Variants in LRP1B observed in about 807,000 individuals in gnomAD.
LRP1B encodes LDL receptor related protein 1B, also known as low-density lipoprotein receptor-related protein 1B.
Under a neutral mutation model 556.6 loss-of-function variants are expected in LRP1B, and 217 were observed. The ratio of observed to expected loss-of-function variants is 0.39; its 90% CI spans 0.35 to 0.44. LRP1B has a LOEUF of 0.44. Ranked by LOEUF, LRP1B falls within the 20% of genes least tolerant of loss-of-function variation. The pLI is 1.00. For synonymous variants in LRP1B, 2,047 were observed against 1,865.8 expected (o/e 1.10, Z -2.50); for missense variants, 5,053 against 5,620.8 (o/e 0.90, Z 3.23).
At chr2:140,552,095 T>TCAAAAA (rs1680566702) in intron 43 of LRP1B, among the ~76,000 whole-genome samples, 1 of 152,152 alleles carries the variant, frequency 6.6e-6, no homozygotes, top group Admixed American at 6.6e-5. Flanking sequence ...TGACAGGGAC[T>TCAAAAA]AGAGAAACTC....
At chr2:140,616,546 C>T (rs1356229641) in intron 41 of LRP1B, among the ~76,000 whole-genome samples, 1 of 148,334 alleles carries the variant, frequency 6.7e-6, no homozygotes, top group Non-Finnish European at 1.5e-5. Flanking sequence ...ATGATAAAGT[C>T]ATTCCAGGAG....
At chr2:140,550,730 T>C (rs1680517889) in intron 43 of LRP1B, among the ~76,000 whole-genome samples, 1 of 152,162 alleles carries the variant, frequency 6.6e-6, no homozygotes, top group Admixed American at 6.6e-5. Context: ...TTAAATATAG[T>C]ATTTCTCGTT....
chr2:140,716,925 A>G, intron 35 of LRP1B, 109 bp from the exon 36 acceptor site: 1 of 499,662 alleles, frequency 2.0e-6, no homozygotes, highest in Non-Finnish European at 3.4e-6. Context: ...CATCCTGGGT[A>G]TGCTAGATTT....
At chr2:140,850,072 T>A (rs771142427) in intron 29 of LRP1B, 30 bp downstream of exon 29, 10 of 1,371,878 alleles carry the variant, frequency 7.3e-6, no homozygotes, top group Non-Finnish European at 1.0e-5. Flanking sequence ...ACAAACACTT[T>A]TAAAGTTGTA....
At chr2:141,390,653 T>G (rs1363945646) in intron 3 of LRP1B, among the ~76,000 whole-genome samples, 2 of 152,158 alleles carry the variant, frequency 1.3e-5, no homozygotes, top group Non-Finnish European at 2.9e-5. Context: ...CTCAAAAACA[T>G]TATGCTAAGT....
chr2:141,058,084 A>C (rs1402657544), intron 9 of LRP1B, among the ~76,000 whole-genome samples: 1 of 151,914 alleles, frequency 6.6e-6, no homozygotes, highest in Non-Finnish European at 1.5e-5. Context: ...CACAGTATAC[A>C]TAGAATAGTT....
At chr2:141,022,099 A>G (rs1456630446) in intron 11 of LRP1B, among the ~76,000 whole-genome samples, 2 of 151,756 alleles carry the variant, frequency 1.3e-5, no homozygotes, top group African/African-American at 4.8e-5. Flanking sequence ...AATAGTATAT[A>G]AATAAATATA....
intron 7 of LRP1B, among the ~76,000 whole-genome samples, chr2:141,094,363 T>C (rs1700243345): frequency 6.6e-6 from 1 of 152,202 alleles, no homozygotes; most frequent in African/African-American, 2.4e-5. Context: ...TATTTAAAAA[T>C]ATGTTTATTA....
At chr2:142,124,034 T>C (rs1398310316) in intron 1 of LRP1B, among the ~76,000 whole-genome samples, 2 of 151,470 alleles carry the variant, frequency 1.3e-5, no homozygotes, top group Non-Finnish European at 3.0e-5. Flanking sequence ...CAGAAAAACA[T>C]GTTTTTTTTA....
intron 1 of LRP1B, among the ~76,000 whole-genome samples, chr2:142,013,161 A>G (rs1052054141): frequency 3.3e-5 from 5 of 152,158 alleles, no homozygotes; most frequent in Non-Finnish European, 5.9e-5. Flanking sequence ...TTTAATTTAT[A>G]TGGGTAAAAA....
chr2:141,991,733 C>T (rs7582202), intron 1 of LRP1B, among the ~76,000 whole-genome samples: 98,508 of 151,952 alleles, frequency 0.65, 32,707 homozygotes, highest in African/African-American at 0.8. Context: ...AAGATTCAAA[C>T]TCAGGCTGAT....
At chr2:140,810,973 G>A (rs1186095625) in intron 32 of LRP1B, among the ~76,000 whole-genome samples, 4 of 152,158 alleles carry the variant, frequency 2.6e-5, no homozygotes, top group African/African-American at 9.6e-5. Flanking sequence ...CTGACCTCAT[G>A]ATCTGCCTGG....
At chr2:141,768,888 T>C (rs1352250097) in intron 2 of LRP1B, among the ~76,000 whole-genome samples, 2 of 151,948 alleles carry the variant, frequency 1.3e-5, no homozygotes, top group Admixed American at 6.6e-5. Context: ...TGTGTGTGTG[T>C]GCATGTGTGG....
intron 35 of LRP1B, among the ~76,000 whole-genome samples, chr2:140,731,866 A>G (rs1687792536): frequency 6.6e-6 from 1 of 151,946 alleles, no homozygotes; most frequent in Non-Finnish European, 1.5e-5. Flanking sequence ...GTGGCAGGCT[A>G]TCATTATAGT....
chr2:141,400,579 C>T (rs141047539), intron 3 of LRP1B, among the ~76,000 whole-genome samples: 3 of 152,296 alleles, frequency 2.0e-5, no homozygotes, highest in African/African-American at 7.2e-5. Context: ...TTTGAGTCAA[C>T]TATTAGCTCT....
chr2:141,536,122 T>A (rs1419396972), intron 2 of LRP1B, among the ~76,000 whole-genome samples: 1 of 152,078 alleles, frequency 6.6e-6, no homozygotes, highest in Non-Finnish European at 1.5e-5. Flanking sequence ...CTATATTTGA[T>A]CCAAAAGCGC....
At chr2:141,397,582 G>A (rs950828669) in intron 3 of LRP1B, among the ~76,000 whole-genome samples, 8 of 151,744 alleles carry the variant, frequency 5.3e-5, no homozygotes, top group African/African-American at 1.9e-4. Context: ...AGATAAAAAG[G>A]CAACTATTAT....
rs1686402077 is a variant in LRP1B at position 141,301,707 on chromosome 2, T to C, written c.344-47066A>G. Among the ~76,000 whole-genome samples, 4 of 152,190 alleles carry C rather than the reference T, an allele frequency of 2.6e-5. No individual in the cohort carries two copies. The South Asian group carries it at 6.2e-4, about 24-fold the overall frequency. On this transcript the variant is annotated intron_variant, in intron 3 of 90. Transcript: ENST00000389484. The stretch of plus-strand genomic sequence containing the variant: ...GAACAGTGCTATTGCCCCAGGAGTA[T>C]ATACTGGGTATCCATCACATACATA...
intron 67 of LRP1B, among the ~76,000 whole-genome samples, chr2:140,381,969 C>T (rs937499741): frequency 4.7e-5 from 7 of 150,460 alleles, no homozygotes; most frequent in African/African-American, 1.7e-4. Flanking sequence ...CATACAACCA[C>T]AGAACTGAAA....
Sources: allele counts gnomAD v4.1 joint callset (sites outside exome capture counted in the v4.1 genomes callset), GRCh38; gene constraint gnomAD v4.1.1; transcripts MANE v1.5; gene names NCBI Gene and HGNC (gene_info 2026-07-23, HGNC 2026-07-21).